LIPA: variants seen among roughly 807,000 people sequenced by gnomAD.
LIPA encodes lipase A, lysosomal acid type.
In LIPA, 26 loss-of-function variants were observed where a neutral mutation model predicts 40.6. The observed-to-expected ratio is 0.64, with a 90% CI of 0.47 to 0.89. The LOEUF (loss-of-function observed/expected upper bound fraction) is 0.89. Among genes scored for constraint, LIPA ranks in the 40% least tolerant of loss-of-function variants. The pLI is 0.00. For missense variants in LIPA, 455 were observed against 479.6 expected (o/e 0.95, Z 0.48); for synonymous variants, 188 against 168.4 (o/e 1.12, Z -0.90).
chr10:89,278,818 G>A (rs1437559476), intron 1 of LIPA, among the ~76,000 whole-genome samples: 1 of 150,978 alleles, frequency 6.6e-6, no homozygotes, highest in Non-Finnish European at 1.5e-5. Flanking sequence ...ATTTACATAT[G>A]TTTATATTTT....
At chr10:89,271,097 G>A (rs1160620746) in intron 1 of LIPA, among the ~76,000 whole-genome samples, 1 of 152,196 alleles carries the variant, frequency 6.6e-6, no homozygotes, top group Non-Finnish European at 1.5e-5. Context: ...CAAGATTCCT[G>A]TGACCCCTAC....
intron 2 of LIPA, among the ~76,000 whole-genome samples, chr10:89,357,323 G>A (rs952607311): frequency 1.3e-5 from 2 of 152,194 alleles, no homozygotes; most frequent in African/African-American, 4.8e-5. Flanking sequence ...CAAACCTGAG[G>A]AGCCTCTCAG....
intron 1 of LIPA, among the ~76,000 whole-genome samples, chr10:89,293,385 G>A (rs1313943749): frequency 6.6e-6 from 1 of 152,118 alleles, no homozygotes; most frequent in Non-Finnish European, 1.5e-5. Context: ...AACAGCAGCA[G>A]CCAGATCCCG....
intron 2 of LIPA, 126 bp downstream of exon 2, chr10:89,247,400 AAAAAAAAAAAAT>A: frequency 1.3e-5 from 8 of 618,936 alleles, no homozygotes; most frequent in African/African-American, 1.1e-4. Context: ...AAAAAAAAAA[AAAAAAAAAAAAT>A]TCAGAGAAAT....
At chr10:89,356,637 G>A (rs998371654) in intron 2 of LIPA, among the ~76,000 whole-genome samples, 6 of 152,272 alleles carry the variant, frequency 3.9e-5, no homozygotes, top group South Asian at 2.1e-4. Flanking sequence ...AGATGGGACC[G>A]TCTAGTTGCA....
At chr10:89,381,320 G>A (rs1002763290) in intron 2 of LIPA, among the ~76,000 whole-genome samples, 3 of 152,116 alleles carry the variant, frequency 2.0e-5, no homozygotes, top group Non-Finnish European at 4.4e-5. Context: ...ATCTTCTGTA[G>A]GGGTGGTGAC....
chr10:89,312,519 A>C (rs1228749662), intron 1 of LIPA, among the ~76,000 whole-genome samples: 1 of 152,146 alleles, frequency 6.6e-6, no homozygotes, highest in Non-Finnish European at 1.5e-5. Flanking sequence ...TTCCAAAGAA[A>C]TATCTGTTTG....
chr10:89,393,893 T>C (rs1844294756), intron 2 of LIPA, among the ~76,000 whole-genome samples: 1 of 152,242 alleles, frequency 6.6e-6, no homozygotes, highest in Non-Finnish European at 1.5e-5. Context: ...TTGGTACTGA[T>C]AATTAAAATA....
rs759623981 is a variant in LIPA at position 89,214,656 on chromosome 10, A to T, written c.*172T>A. 1.7e-6 allele frequency: 1 copy of T among 593,434 alleles called. No individual in the cohort carries two copies. The highest frequency in any genetic ancestry group is 3.0e-6 in the Non-Finnish European group (1 of 335,942). 36.8% of individuals were successfully genotyped at this position (593,434 alleles called of 1,614,324 possible). On this transcript the variant is annotated 3_prime_UTR_variant, in exon 10 of 10. Transcript: ENST00000336233. ...CCTAATTAAAGAAAAAATAGCTAGT[A>T]TGTTTCTAATTGAAACTAGAGTGAA...
chr10:89,353,248 T>C (rs887637955), intron 2 of LIPA, among the ~76,000 whole-genome samples: 4 of 151,992 alleles, frequency 2.6e-5, no homozygotes, highest in African/African-American at 9.7e-5. Flanking sequence ...ATCTCAGGAG[T>C]TGGACAAGTG....
intron 1 of LIPA, among the ~76,000 whole-genome samples, chr10:89,310,425 T>C (rs1350897824): frequency 6.6e-6 from 1 of 152,164 alleles, no homozygotes; most frequent in Non-Finnish European, 1.5e-5. Flanking sequence ...TGTGTTAGGA[T>C]CCCTACCATA....
chr10:89,227,812 C>T lies in LIPA; in HGVS notation c.428+388G>A, dbSNP rs149732822. ...CTTATGTAAGATGTCCAATGTCATA[C>T]AGCAATTAACTGGTGGAGCCAGAAG... On this transcript the variant is annotated intron_variant, in intron 4 of 9. Coordinates refer to ENST00000336233, the MANE Select transcript of LIPA (RefSeq NM_000235.4). Among the ~76,000 whole-genome samples the T allele has an allele frequency of 3.0e-4, 46 of 152,088 alleles. No homozygotes were observed. In the East Asian group the frequency reaches 7.5e-3, roughly 25 times the overall value.
At chr10:89,225,823 T>G (rs1842762524) in intron 5 of LIPA, among the ~76,000 whole-genome samples, 1 of 152,076 alleles carries the variant, frequency 6.6e-6, no homozygotes, top group South Asian at 2.1e-4. Flanking sequence ...CCCATACTGT[T>G]CTTGTGGTAG....
chr10:89,367,942 C>T (rs995504342), intron 2 of LIPA, among the ~76,000 whole-genome samples: 1 of 152,158 alleles, frequency 6.6e-6, no homozygotes, highest in Admixed American at 6.6e-5. Flanking sequence ...CCCCAGCCTT[C>T]CAATTAGCTA....
At chr10:89,410,611 C>G (rs1052059362) in intron 2 of LIPA, among the ~76,000 whole-genome samples, 1 of 152,206 alleles carries the variant, frequency 6.6e-6, no homozygotes, top group Non-Finnish European at 1.5e-5. Flanking sequence ...CTTACCCGAG[C>G]CTTAGAACTG....
intron 2 of LIPA, chr10:89,393,198 G>T: frequency 7.8e-7 from 1 of 1,290,024 alleles, no homozygotes; most frequent in Non-Finnish European, 1.0e-6. Context: ...ATACAGTGGA[G>T]ATGTGGTAGG....
chr10:89,402,248 C>A, intron 2 of LIPA: 1 of 1,434,872 alleles, frequency 7.0e-7, no homozygotes, highest in Non-Finnish European at 9.6e-7. Context: ...CTGTTCCTCA[C>A]CTAACAAAGA....
chr10:89,219,696 C>T (rs1179910166), intron 8 of LIPA, among the ~76,000 whole-genome samples: 1 of 152,208 alleles, frequency 6.6e-6, no homozygotes, highest in African/African-American at 2.4e-5. Context: ...GAAGCCTTTT[C>T]CTGCACTGCC....
intron 1 of LIPA, among the ~76,000 whole-genome samples, chr10:89,296,137 T>G (rs1326352795): frequency 6.6e-6 from 1 of 152,196 alleles, no homozygotes; most frequent in African/African-American, 2.4e-5. Flanking sequence ...CATTTCCACT[T>G]TCCTATTTCA....
Sources: gnomAD v4.1 joint callset for allele counts (sites outside exome capture counted in the v4.1 genomes callset) on GRCh38, gnomAD v4.1.1 for gene constraint, MANE v1.5 for transcripts, NCBI Gene and HGNC (gene_info 2026-07-23, HGNC 2026-07-21) for gene names.